The following CNTN3 variants were observed in gnomAD, a reference collection of about 807,000 sequenced individuals.
CNTN3 encodes the protein contactin-3.
In CNTN3, 60 loss-of-function variants were observed where a neutral mutation model predicts 119.1. The observed-to-expected ratio is 0.50, with a 90% CI of 0.41 to 0.62. The LOEUF is 0.62. Ranked by LOEUF, CNTN3 falls within the 20% of genes least tolerant of loss-of-function variation. The pLI is 0.00. For synonymous variants in CNTN3, 450 were observed against 438.7 expected (o/e 1.03, Z -0.32); for missense variants, 1,101 against 1,242.4 (o/e 0.89, Z 1.71).
At chr3:74,516,137 C>A (rs1475315451) in intron 2 of CNTN3, among the ~76,000 whole-genome samples, 1 of 152,012 alleles carries the variant, frequency 6.6e-6, no homozygotes, top group Non-Finnish European at 1.5e-5. Flanking sequence ...GAGTCAATAA[C>A]AAGCTATGTG....
chr3:74,290,188 C>T (rs927876711), intron 19 of CNTN3, among the ~76,000 whole-genome samples: 5 of 152,098 alleles, frequency 3.3e-5, no homozygotes, highest in African/African-American at 7.2e-5. Flanking sequence ...TGCAATTATG[C>T]GAACCTGCAT....
intron 5 of CNTN3, among the ~76,000 whole-genome samples, chr3:74,377,063 A>C (rs9811925): frequency 0.018 from 2,802 of 152,198 alleles, 85 homozygotes; most frequent in African/African-American, 0.063. Flanking sequence ...ATCAAACTAC[A>C]ACCCCCAAAC....
intron 4 of CNTN3, among the ~76,000 whole-genome samples, chr3:74,447,396 G>A (rs1240221644): frequency 6.6e-6 from 1 of 152,166 alleles, no homozygotes; most frequent in Non-Finnish European, 1.5e-5. Context: ...CCAAAAGCCA[G>A]AAGGCAAGAG....
chr3:74,406,955 T>G (rs1009932968), intron 5 of CNTN3, among the ~76,000 whole-genome samples: 2 of 152,142 alleles, frequency 1.3e-5, no homozygotes, highest in African/African-American at 4.8e-5. Context: ...TTGTCTATTA[T>G]GCTGAATCTT....
intron 2 of CNTN3, among the ~76,000 whole-genome samples, chr3:74,500,983 G>C (rs1471678165): frequency 1.3e-5 from 2 of 151,998 alleles, no homozygotes; most frequent in East Asian, 1.9e-4. Flanking sequence ...ACATATTCTA[G>C]AATAATGGAT....
At chr3:74,585,105 G>A (rs988756475) in intron 1 of CNTN3, among the ~76,000 whole-genome samples, 1 of 152,116 alleles carries the variant, frequency 6.6e-6, no homozygotes, top group Non-Finnish European at 1.5e-5. Context: ...TTGAAAGAAG[G>A]TAAGTAGAAA....
chr3:74,462,607 C>G (rs1440205014), intron 4 of CNTN3, among the ~76,000 whole-genome samples: 1 of 152,096 alleles, frequency 6.6e-6, no homozygotes, highest in Non-Finnish European at 1.5e-5. Flanking sequence ...CGTAGCCCCA[C>G]TGTTCTTTAG....
chr3:74,289,183 A>T (rs1311775309), intron 19 of CNTN3, among the ~76,000 whole-genome samples: 1 of 152,176 alleles, frequency 6.6e-6, no homozygotes, highest in East Asian at 1.9e-4. Flanking sequence ...AAGAAAAGAC[A>T]TATTTTTATC....
chr3:74,434,591 C>T (rs1273114928), intron 4 of CNTN3, among the ~76,000 whole-genome samples: 1 of 152,190 alleles, frequency 6.6e-6, no homozygotes, highest in Non-Finnish European at 1.5e-5. Flanking sequence ...AACCTAGGTG[C>T]AATCCCTTGG....
At chr3:74,552,008 C>T (rs1703999563) in intron 1 of CNTN3, among the ~76,000 whole-genome samples, 1 of 151,930 alleles carries the variant, frequency 6.6e-6, no homozygotes. Flanking sequence ...AGGTGATCCA[C>T]CCACCTCGGC....
intron 5 of CNTN3, among the ~76,000 whole-genome samples, chr3:74,379,456 A>G (rs962277251): frequency 6.6e-6 from 1 of 152,004 alleles, no homozygotes; most frequent in African/African-American, 2.4e-5. Context: ...TTTCCTAACA[A>G]ATGTCTCTTT....
intron 5 of CNTN3, among the ~76,000 whole-genome samples, chr3:74,405,874 G>A (rs1705311148): frequency 6.6e-6 from 1 of 152,054 alleles, no homozygotes; most frequent in African/African-American, 2.4e-5. Flanking sequence ...ATTCGTGGGT[G>A]ACGTTCATGA....
At chr3:74,606,894 A>C (rs369491980) in intron 1 of CNTN3, among the ~76,000 whole-genome samples, 1 of 152,174 alleles carries the variant, frequency 6.6e-6, no homozygotes, top group Non-Finnish European at 1.5e-5. Flanking sequence ...GCTTAACACT[A>C]ATGAAACAAC....
At position 74,264,433 on chromosome 3, in the gene CNTN3, C is replaced by T. The variant is rs147055375; in HGVS notation, c.3055G>A (p.Val1019Ile). The T allele has an allele frequency of 6.3e-4, 1,012 of 1,609,820 alleles. 5 individuals are homozygous for T. The highest frequency in any genetic ancestry group is 8.8e-4 in the African/African-American group (66 of 74,842). The change falls in exon 23 of 23, where the codon GTA becomes ATA. Residue 1019 changes from valine to isoleucine, a missense_variant. Val to Ile is a conservative substitution (Grantham distance 29, BLOSUM62 3). Transcript: ENST00000263665. The stretch of plus-strand genomic sequence containing the variant: ...AGGACATATACAATTAAGAACAGTA[C>T]TATAGGCATATAACTTGACATAGGG... ...VHPMSSYMPI[V>I]LFLIVYVLW
At chr3:74,553,870 C>T (rs2107164504) in intron 1 of CNTN3, among the ~76,000 whole-genome samples, 1 of 152,224 alleles carries the variant, frequency 6.6e-6, no homozygotes, top group Non-Finnish European at 1.5e-5. Flanking sequence ...TGTAGGTTGC[C>T]TATTCATTTT....
intron 6 of CNTN3, among the ~76,000 whole-genome samples, chr3:74,370,733 T>C (rs887049183): frequency 3.9e-5 from 6 of 152,140 alleles, no homozygotes; most frequent in African/African-American, 9.7e-5. Flanking sequence ...TAAACAGCCA[T>C]CAAGGTGTTG....
At chr3:74,483,181 G>A (rs1049371156) in intron 4 of CNTN3, among the ~76,000 whole-genome samples, 1 of 151,992 alleles carries the variant, frequency 6.6e-6, no homozygotes, top group African/African-American at 2.4e-5. Flanking sequence ...AATATATAGG[G>A]AATAAATAAA....
At chr3:74,302,560 G>C (rs764399359) in intron 14 of CNTN3, 130 bp downstream of exon 14, 1 of 629,940 alleles carries the variant, frequency 1.6e-6, no homozygotes, top group Middle Eastern at 2.8e-4. Flanking sequence ...ATATTCTGTG[G>C]TCTATGAGGG....
chr3:74,449,974 T>G (rs1271145071), intron 4 of CNTN3, among the ~76,000 whole-genome samples: 1 of 152,162 alleles, frequency 6.6e-6, no homozygotes, highest in Non-Finnish European at 1.5e-5. Flanking sequence ...TATAATAATT[T>G]GTTATGATCA....
Sources: gnomAD v4.1 joint callset for allele counts (sites outside exome capture counted in the v4.1 genomes callset) on GRCh38, gnomAD v4.1.1 for gene constraint, MANE v1.5 for transcripts, NCBI Gene and HGNC (gene_info 2026-07-23, HGNC 2026-07-21) for gene names.